LEF1: variants seen among roughly 807,000 people sequenced by gnomAD.
LEF1 encodes lymphoid enhancer-binding factor 1.
In LEF1, 14 loss-of-function variants were observed where a neutral mutation model predicts 51.2. That is an observed-to-expected ratio of 0.27 (90% CI 0.18 to 0.43). The LOEUF (loss-of-function observed/expected upper bound fraction) is 0.43, where lower values mean the gene tolerates loss of function less well. Among genes scored for constraint, LEF1 ranks in the 20% least tolerant of loss-of-function variants. The pLI, the probability that LEF1 is intolerant of heterozygous loss-of-function variation, is 1.00. For missense variants in LEF1, 386 were observed against 512.0 expected (o/e 0.75, Z 2.37); for synonymous variants, 185 against 183.2 (o/e 1.01, Z -0.08).
intron 3 of LEF1, among the ~76,000 whole-genome samples, chr4:108,146,790 A>G (rs1744019617): frequency 6.6e-6 from 1 of 152,190 alleles, no homozygotes; most frequent in Non-Finnish European, 1.5e-5. Context: ...AGCACTTCAC[A>G]TATTGGATTA....
intron 3 of LEF1, among the ~76,000 whole-genome samples, chr4:108,118,381 TA>T (rs1741965931): frequency 6.6e-6 from 1 of 152,246 alleles, no homozygotes; most frequent in African/African-American, 2.4e-5. Flanking sequence ...TCAAGTTCCA[TA>T]CATTTTATAC....
chr4:108,123,770 T>C (rs1560806516), intron 3 of LEF1, among the ~76,000 whole-genome samples: 1 of 152,268 alleles, frequency 6.6e-6, no homozygotes, highest in East Asian at 1.9e-4. Context: ...ACATCTACCA[T>C]AATGCCAGAA....
intron 3 of LEF1, among the ~76,000 whole-genome samples, chr4:108,131,040 T>G (rs1742853864): frequency 6.6e-6 from 1 of 152,040 alleles, no homozygotes; most frequent in Admixed American, 6.6e-5. Flanking sequence ...GGAGTCTCAG[T>G]GTATTTTCCA....
chr4:108,076,237 C>T (rs7664774), intron 8 of LEF1, among the ~76,000 whole-genome samples: 128,691 of 152,172 alleles, frequency 0.85, 55,575 homozygotes, highest in East Asian at 0.97. Flanking sequence ...ATTTTTATTA[C>T]ATATTTATTG....
At chr4:108,126,371 G>A (rs1742527641) in intron 3 of LEF1, among the ~76,000 whole-genome samples, 1 of 152,140 alleles carries the variant, frequency 6.6e-6, no homozygotes, top group Admixed American at 6.5e-5. Context: ...ATTAGGGTGT[G>A]ATAGGAATGA....
chr4:108,164,076 CACAA>C (rs781733219), intron 2 of LEF1, among the ~76,000 whole-genome samples: 3 of 152,172 alleles, frequency 2.0e-5, no homozygotes, highest in Non-Finnish European at 1.5e-5. Flanking sequence ...TCTAGCTACA[CACAA>C]ACACAGAGAT....
intron 6 of LEF1, among the ~76,000 whole-genome samples, chr4:108,080,844 C>T (rs1022401272): frequency 3.3e-5 from 5 of 152,152 alleles, no homozygotes; most frequent in African/African-American, 7.2e-5. Flanking sequence ...GTTTGACTTC[C>T]GGCACAATAA....
At chr4:108,066,001 C>T (rs1483449632) in intron 9 of LEF1, among the ~76,000 whole-genome samples, 1 of 152,146 alleles carries the variant, frequency 6.6e-6, no homozygotes, top group Non-Finnish European at 1.5e-5. Flanking sequence ...CTCCCAGGTT[C>T]AAGCGATGTT....
chr4:108,159,916 A>G (rs1031832017), intron 3 of LEF1, among the ~76,000 whole-genome samples: 3 of 152,116 alleles, frequency 2.0e-5, no homozygotes, highest in Non-Finnish European at 4.4e-5. Flanking sequence ...CTAAAAATTG[A>G]CTCTTAGAAA....
chr4:108,128,569 T>C (rs973759136), intron 3 of LEF1, among the ~76,000 whole-genome samples: 4 of 152,106 alleles, frequency 2.6e-5, no homozygotes, highest in Admixed American at 1.3e-4. Context: ...TCTTTTGCCC[T>C]TTGGAAAGAC....
intron 8 of LEF1, among the ~76,000 whole-genome samples, chr4:108,074,333 T>C (rs886552661): frequency 2.0e-5 from 3 of 152,184 alleles, no homozygotes; most frequent in African/African-American, 7.2e-5. Flanking sequence ...TTGAATAAAC[T>C]TGTACAGTTC....
intron 3 of LEF1, 21 bp from the exon 4 acceptor site, chr4:108,089,278 C>T (rs1739854595): frequency 6.2e-7 from 1 of 1,609,594 alleles, no homozygotes; most frequent in Admixed American, 1.7e-5. Flanking sequence ...ACCACAAGGT[C>T]AATAGTTAAT....
Position 108,070,786 on chromosome 4 carries a change from A to G in LEF1, c.1009-16T>C. On this transcript the variant is annotated splice_polypyrimidine_tract_variant and intron_variant, in intron 8 of 11. Coordinates refer to ENST00000265165, the MANE Select transcript of LEF1 (RefSeq NM_016269.5). ...GGGCATGCCACTAAAACAGAGAGGA[A>G]GGAAGAAAAAAACAAAAGTAAGCAA... is the stretch of plus-strand genomic sequence containing the variant. The G allele has an allele frequency of 6.4e-7, 1 of 1,573,292 alleles. No individual in the cohort carries two copies. The highest frequency in any genetic ancestry group is 1.1e-5 in the South Asian group (1 of 87,906).
intron 3 of LEF1, among the ~76,000 whole-genome samples, chr4:108,113,116 C>A (rs1741627743): frequency 6.6e-6 from 1 of 152,118 alleles, no homozygotes. Flanking sequence ...TTAATTAATA[C>A]AATGATGGAA....
rs998026914 is a variant in LEF1 at position 108,166,594 on chromosome 4, C to T, written c.213+961G>A. ...CTAGGCTTCAAACAGCCCTCCAGCG[C>T]GGCCCTGCTCCGCGCTTTCTCTAGC... On this transcript the variant is annotated intron_variant, in intron 1 of 11. Coordinates refer to ENST00000265165, the MANE Select transcript of LEF1 (RefSeq NM_016269.5). 7.2e-6 allele frequency: 8 copies of T among 1,112,060 alleles called. No individual in the cohort carries two copies. The African/African-American group carries it at 1.3e-4, about 18-fold the overall frequency. 68.9% of individuals were successfully genotyped at this position (1,112,060 alleles called of 1,614,324 possible).
chr4:108,157,179 T>TATACACAC (rs780217431), intron 3 of LEF1, among the ~76,000 whole-genome samples: 1,987 of 116,758 alleles, frequency 0.017, 23 homozygotes, highest in East Asian at 0.044. Flanking sequence ...TATATATATA[T>TATACACAC]ACACACACAC....
chr4:108,103,324 C>A (rs1181609691), intron 3 of LEF1, among the ~76,000 whole-genome samples: 1 of 152,168 alleles, frequency 6.6e-6, no homozygotes, highest in Non-Finnish European at 1.5e-5. Flanking sequence ...CTTGTGATTC[C>A]CAGGACAAGC....
chr4:108,134,345 C>T (rs1445613477), intron 3 of LEF1, among the ~76,000 whole-genome samples: 2 of 152,216 alleles, frequency 1.3e-5, no homozygotes, highest in East Asian at 3.8e-4. Context: ...TCCACTGTGC[C>T]TCCACACGTC....
intron 2 of LEF1, among the ~76,000 whole-genome samples, 164 bp downstream of exon 2, chr4:108,164,933 T>C (rs1745287455): frequency 6.6e-6 from 1 of 152,162 alleles, no homozygotes; most frequent in African/African-American, 2.4e-5. Context: ...TAATATATAT[T>C]AGAGGTAAGC....
Sources: allele counts gnomAD v4.1 joint callset (sites outside exome capture counted in the v4.1 genomes callset), GRCh38; gene constraint gnomAD v4.1.1; transcripts MANE v1.5; gene names NCBI Gene and HGNC (gene_info 2026-07-23, HGNC 2026-07-21).